Variants in RAP1A observed in about 807,000 individuals in gnomAD.
The protein encoded by RAP1A is RAP1A, member of RAS oncogene family, also known as ras-related protein Rap-1A.
RAP1A carries 6 observed loss-of-function variants against 26.4 expected under a neutral mutation model. The observed-to-expected ratio is 0.23, with a 90% CI of 0.12 to 0.45. The LOEUF (loss-of-function observed/expected upper bound fraction) is 0.45. Among genes scored for constraint, RAP1A ranks in the 20% least tolerant of loss-of-function variants. The pLI, the probability that RAP1A is intolerant of heterozygous loss-of-function variation, is 0.99. For synonymous variants in RAP1A, 73 were observed against 79.4 expected, an observed-to-expected ratio of 0.92 and a Z score of 0.43; for missense variants, 121 against 217.2, an observed-to-expected ratio of 0.56 and a Z score of 2.78.
Position 111,695,324 on chromosome 1 carries a change from C to CTT in RAP1A, c.58-9_58-8dup. On this transcript the variant is annotated splice_polypyrimidine_tract_variant and intron_variant, in intron 2 of 7. Transcript: ENST00000369709. ...TTTCCTTTAATTTTTTAATATTTCTCTTTTTTTTTCCCCCAGACAGTTCAG... is the reference window on the plus strand; with the variant it reads ...TTTCCTTTAATTTTTTAATATTTCTCTTTTTTTTTTTCCCCCAGACAGTTCAG... 3.4e-6 allele frequency: 5 copies of CTT among 1,465,698 alleles called. No homozygotes were observed. Among genetic ancestry groups the CTT allele is most frequent in the Admixed American group, 2.3e-5 (1 of 42,890 alleles). The allele number at this position is 1,465,698 out of a possible 1,614,324, so 90.8% of individuals were successfully genotyped here. A position where few individuals can be genotyped will look rare whatever the true frequency, so the allele number is the denominator to read the frequency against.
At chr1:111,555,049 GA>G (rs1463906427) in intron 1 of RAP1A, among the ~76,000 whole-genome samples, 2 of 151,898 alleles carry the variant, frequency 1.3e-5, no homozygotes, top group Admixed American at 1.3e-4. Context: ...GAAAACAGGA[GA>G]AAAGAAAAAG....
At chr1:111,650,413 A>G (rs973040570) in intron 1 of RAP1A, 15 of 152,160 alleles carry the variant, frequency 9.9e-5, no homozygotes, top group African/African-American at 3.6e-4. Context: ...TATGCCATTT[A>G]AAAAAATAGA....
intron 1 of RAP1A, among the ~76,000 whole-genome samples, chr1:111,671,040 G>C (rs977161204): frequency 6.6e-6 from 1 of 152,204 alleles, no homozygotes; most frequent in Non-Finnish European, 1.5e-5. Context: ...TTTATCTGGG[G>C]ATATAGATAT....
rs924978918 is a variant in RAP1A at position 111,704,498 on chromosome 1, C to T, written c.468+12C>T. The stretch of plus-strand genomic sequence containing the variant: ...TCAATGTTAATGAGGTAACCTACAA[C>T]TGCTGGGCAGCACAAACAAGTGCCT... On this transcript the variant is annotated intron_variant, in intron 6 of 7. Transcript: ENST00000369709. 1 of 1,599,956 alleles carries T rather than the reference C, an allele frequency of 6.3e-7. No homozygotes were observed. Among genetic ancestry groups the T allele is most frequent in the Non-Finnish European group, 8.5e-7 (1 of 1,172,302 alleles).
chr1:111,622,157 C>T (rs181074465), intron 1 of RAP1A, among the ~76,000 whole-genome samples: 1 of 152,284 alleles, frequency 6.6e-6, no homozygotes, highest in Admixed American at 6.5e-5. Context: ...TTCCAGCTTC[C>T]ACTCTTGCCC....
At chr1:111,668,210 T>C (rs1314849959) in intron 1 of RAP1A, among the ~76,000 whole-genome samples, 1 of 151,858 alleles carries the variant, frequency 6.6e-6, no homozygotes, top group Non-Finnish European at 1.5e-5. Flanking sequence ...TTCTGGCCAC[T>C]AGTAACTCCA....
chr1:111,678,137 A>G (rs549947931), intron 1 of RAP1A, among the ~76,000 whole-genome samples: 4 of 148,254 alleles, frequency 2.7e-5, no homozygotes, highest in Non-Finnish European at 5.9e-5. Context: ...ATTTTCATAT[A>G]AGTTTTAAAG....
intron 1 of RAP1A, among the ~76,000 whole-genome samples, chr1:111,586,902 C>T (rs1296769363): frequency 6.6e-6 from 1 of 152,174 alleles, no homozygotes; most frequent in Non-Finnish European, 1.5e-5. Flanking sequence ...ACCTAAGACT[C>T]TGGAATCTGA....
rs545256108 is a variant in RAP1A, at chr1:111,703,646, T to C, written c.324+170T>C. On this transcript the variant is annotated intron_variant, in intron 5 of 7. Coordinates refer to ENST00000369709, the MANE Select transcript of RAP1A (RefSeq NM_002884.4). The stretch of plus-strand genomic sequence containing the variant: ...ACTTTCAAAATTAACCTCAAAATTA[T>C]GTGGTGAGATGTTTAGAAAATGAGG... Among the ~76,000 whole-genome samples, 68 of 152,260 alleles carry C rather than the reference T, an allele frequency of 4.5e-4. 2 individuals carry two copies. The highest frequency in any genetic ancestry group is 3.4e-3 in the Middle Eastern group (1 of 294).
chr1:111,564,250 C>T (rs1018780786), intron 1 of RAP1A, among the ~76,000 whole-genome samples: 1 of 152,126 alleles, frequency 6.6e-6, no homozygotes, highest in African/African-American at 2.4e-5. Flanking sequence ...TTCTGAGTAC[C>T]TTATTGCCTT....
chr1:111,695,352 T>C lies in RAP1A; in HGVS notation c.69T>C (p.Phe23=), dbSNP rs141862905. Residue 23 remains phenylalanine (F), a synonymous_variant, in exon 3 of 8, where the codon TTT becomes TTC. Transcript: ENST00000369709. ...TTTTTTTCCCCCAGACAGTTCAGTT[T>C]GTTCAGGGAATTTTTGTTGAAAAAT... The part of the protein sequence containing the change: ...GVGKSALTVQ[F]VQGIFVEKYD... 67 of 1,570,736 alleles carry C rather than the reference T, an allele frequency of 4.3e-5. No individual in the cohort carries two copies. The African/African-American group carries it at 7.8e-4, about 18-fold the overall frequency.
intron 1 of RAP1A, among the ~76,000 whole-genome samples, chr1:111,667,181 C>A (rs932318612): frequency 5.3e-5 from 8 of 152,156 alleles, no homozygotes; most frequent in Non-Finnish European, 2.9e-5. Context: ...CTGACAGATT[C>A]TTTGCCTGGA....
chr1:111,655,240 A>G (rs1049865488), intron 1 of RAP1A, among the ~76,000 whole-genome samples: 2 of 128,088 alleles, frequency 1.6e-5, no homozygotes, highest in Admixed American at 8.1e-5. Flanking sequence ...AACTGAAAAA[A>G]AAGAAAAAAA....
At chr1:111,622,232 C>G in intron 1 of RAP1A, among the ~76,000 whole-genome samples, 1 of 152,216 alleles carries the variant, frequency 6.6e-6, no homozygotes, top group East Asian at 1.9e-4. Context: ...GAACAAGTCT[C>G]TCTTCTATTC....
chr1:111,556,251 C>A (rs1657487567), intron 1 of RAP1A, among the ~76,000 whole-genome samples: 1 of 151,806 alleles, frequency 6.6e-6, no homozygotes, highest in Non-Finnish European at 1.5e-5. Context: ...TGGCTATTAC[C>A]AAAAAAACAC....
chr1:111,563,539 T>C (rs141183244), intron 1 of RAP1A, among the ~76,000 whole-genome samples: 1 of 152,326 alleles, frequency 6.6e-6, no homozygotes, highest in East Asian at 1.9e-4. Context: ...CCCTGAGTTA[T>C]ATACAATAAA....
upstream of RAP1A, among the ~76,000 whole-genome samples, chr1:111,619,577 C>T (rs1216375147): frequency 6.6e-6 from 1 of 152,252 alleles, no homozygotes; most frequent in Non-Finnish European, 1.5e-5. Context: ...TACCCACCTC[C>T]CATCCCGCCC....
chr1:111,679,142 G>C (rs997951294), intron 1 of RAP1A, among the ~76,000 whole-genome samples: 3 of 152,192 alleles, frequency 2.0e-5, no homozygotes, highest in African/African-American at 7.2e-5. Flanking sequence ...CTCCCAGAGA[G>C]ACCAACGCAG....
At chr1:111,647,337 C>T (rs1190455898) in intron 1 of RAP1A, among the ~76,000 whole-genome samples, 1 of 152,130 alleles carries the variant, frequency 6.6e-6, no homozygotes, top group Non-Finnish European at 1.5e-5. Flanking sequence ...CCCACTGATT[C>T]TACAGTATGG....
Sources: allele counts gnomAD v4.1 joint callset (sites outside exome capture counted in the v4.1 genomes callset), GRCh38; gene constraint gnomAD v4.1.1; transcripts MANE v1.5; gene names NCBI Gene and HGNC (gene_info 2026-07-23, HGNC 2026-07-21).